CEP295NL: variants seen among roughly 807,000 people sequenced by gnomAD.
The protein encoded by CEP295NL is CEP295 N-terminal like.
A neutral mutation model predicts 4.6 loss-of-function variants in CEP295NL; 3 were observed. That is an observed-to-expected ratio of 0.65 (90% CI 0.30 to 1.69). The LOEUF is 1.69. Among genes scored for constraint, CEP295NL ranks in the 40% most tolerant of loss-of-function variants. CEP295NL has a pLI of 0.10. For synonymous variants in CEP295NL, 295 were observed against 312.2 expected (o/e 0.94, Z 0.58); for missense variants, 719 against 769.0 (o/e 0.93, Z 0.77).
chr17:78,897,103 G>A (rs1195454811), intron 2 of CEP295NL: 10 of 564,094 alleles, frequency 1.8e-5, no homozygotes, highest in Non-Finnish European at 2.2e-5. Context: ...GCACCCCCCC[G>A]CCCCCCGCCG....
intron 2 of CEP295NL, chr17:78,898,292 G>T (rs1035753054): frequency 4.6e-5 from 7 of 152,394 alleles, no homozygotes; most frequent in African/African-American, 1.7e-4. Context: ...ACTTGCCTAA[G>T]GCCACATAGC....
In CEP295NL at chr17:78,892,469, A is replaced by G. The variant is rs1265939080; in HGVS notation, c.45-10T>C. ...ACGTTCCACAGCAAACCTACGAGGA[A>G]GGGAGCACAAGTGCAGCTTTCCAGA... On this transcript the variant is annotated splice_polypyrimidine_tract_variant and intron_variant, in intron 2 of 2. Coordinates refer to ENST00000322630, the MANE Select transcript of CEP295NL (RefSeq NM_001243540.2). 2 of 1,540,356 alleles carry G rather than the reference A, an allele frequency of 1.3e-6. No individual in the cohort carries two copies. Among genetic ancestry groups the G allele is most frequent in the African/African-American group, 1.4e-5 (1 of 72,670 alleles).
rs1439620789 is a variant in CEP295NL, at chr17:78,892,087, G to A, written c.417C>T (p.Gly139=). 6.4e-7 allele frequency: 1 copy of A among 1,551,880 alleles called. No homozygotes were observed. Among genetic ancestry groups the A allele is most frequent in the East Asian group, 2.4e-5 (1 of 40,984 alleles). Residue 139 remains glycine (G), a synonymous_variant, in exon 3 of 3, where the codon GGC becomes GGT. Coordinates refer to ENST00000322630, the MANE Select transcript of CEP295NL (RefSeq NM_001243540.2). ...TTTCCCTGGCCCGTCCTCCTCCCCA[G>A]CCCAACAGACGTGCTGACTGCAGCC... ...LDRLQSARLL[G]WGGGRARENE...
rs1252180209 is a variant in CEP295NL, at chr17:78,891,686, G to T, written c.818C>A (p.Thr273Lys). ...IGLVEEKEKGTARAGRRQLGK... is the reference protein window; with the variant it reads ...IGLVEEKEKGKARAGRRQLGK... ...CAGTTGCCTCCTCCCCGCCCGAGCT[G>T]TTCCTTTCTCTTTTTCCTCCACAAG... The change falls in exon 3 of 3, where the codon ACA becomes AAA. Residue 273 changes from threonine to lysine, a missense_variant. Thr to Lys is a moderately conservative substitution (Grantham distance 78). Transcript: ENST00000322630. This position sits in a 1 kb window ranked among gnomAD's most constrained non-coding sequence, Gnocchi z 4.5. The T allele has an allele frequency of 6.4e-7, 1 of 1,551,106 alleles. No homozygotes were observed. Among genetic ancestry groups the T allele is most frequent in the Non-Finnish European group, 8.7e-7 (1 of 1,147,114 alleles).
Position 78,892,352 on chromosome 17 carries a change from C to G in CEP295NL, c.152G>C (p.Gly51Ala). The G allele has an allele frequency of 6.4e-7, 1 of 1,550,636 alleles. No homozygotes were observed. Among genetic ancestry groups the G allele is most frequent in the Non-Finnish European group, 8.7e-7 (1 of 1,147,004 alleles). ...KHLPWEAVSAGFADRNRNMDG... is the reference protein window; with the variant it reads ...KHLPWEAVSAAFADRNRNMDG... ...CATGTTTCTGTTCCTGTCTGCGAAC[C>G]CAGCAGATACAGCTTCCCAGGGAAG... The change falls in exon 3 of 3, where the codon GGG becomes GCG. Residue 51 changes from glycine to alanine, a missense_variant. Physicochemically the swap from Gly to Ala is moderately conservative, Grantham distance 60. Coordinates refer to ENST00000322630, the MANE Select transcript of CEP295NL (RefSeq NM_001243540.2).
intron 2 of CEP295NL, among the ~76,000 whole-genome samples, chr17:78,893,176 TGTGTGTGCAGGG>T (rs1480273781): frequency 8.2e-5 from 11 of 134,432 alleles, no homozygotes; most frequent in African/African-American, 1.5e-4. Context: ...TGTGCATACA[TGTGTGTGCAGGG>T]GTGTGTGCAA....
intron 2 of CEP295NL, among the ~76,000 whole-genome samples, chr17:78,894,979 T>C (rs548798210): frequency 7.2e-4 from 110 of 152,198 alleles, no homozygotes; most frequent in Non-Finnish European, 1.2e-3. Context: ...AATAATCCCA[T>C]TTGAAAATCA....
intron 2 of CEP295NL, among the ~76,000 whole-genome samples, chr17:78,893,234 CATGT>C (rs1345136114): frequency 2.1e-5 from 2 of 96,794 alleles, no homozygotes; most frequent in African/African-American, 4.2e-5. Context: ...GGTGTGTGTG[CATGT>C]GTGTGTAGGA....
In CEP295NL at chr17:78,892,380, G is replaced by T; in HGVS notation, c.124C>A (p.His42Asn). Residue 42 changes from histidine (H) to asparagine (N), a missense_variant, in exon 3 of 3, where the codon CAC (histidine) becomes AAC (asparagine). Physicochemically the swap from His to Asn is moderately conservative, Grantham distance 68. Transcript: ENST00000322630. ...PLEPSTLGSK[H>N]LPWEAVSAGF... is the part of the protein sequence containing the mutation. The stretch of plus-strand genomic sequence containing the variant: ...GCAGATACAGCTTCCCAGGGAAGGT[G>T]CTTGGAGCCAAGAGTGGAGGGTTCA... 6.4e-7 allele frequency: 1 copy of T among 1,550,642 alleles called. No individual in the cohort carries two copies. Among genetic ancestry groups the T allele is most frequent in the South Asian group, 1.2e-5 (1 of 84,068 alleles).
intron 2 of CEP295NL, 172 bp from the exon 3 acceptor site, chr17:78,892,631 G>A (rs2069919247): frequency 8.1e-6 from 8 of 985,040 alleles, no homozygotes; most frequent in Non-Finnish European, 1.2e-5. Flanking sequence ...CCCAATTTCT[G>A]TCCTGTACAC....
rs917329512 is a variant in CEP295NL at position 78,891,090 on chromosome 17, G to A, written c.1414C>T (p.Gln472Ter). The change falls in exon 3 of 3, where the codon CAA (glutamine) becomes TAA (stop). Residue 472 changes from glutamine to a stop codon, truncating the protein, a stop_gained. Coordinates refer to ENST00000322630, the MANE Select transcript of CEP295NL (RefSeq NM_001243540.2). LOFTEE classifies it low-confidence loss of function (END_TRUNC). The surrounding 1 kb of genome is among the most constrained non-coding windows in gnomAD (Gnocchi z 4.5). The stretch of plus-strand genomic sequence containing the variant: ...AGCGTGCCCAGTTTGGGGGTCTCTT[G>A]TCCAGATTCAGTGCTATACAATAAT... ...DSLLYSTESG[Q>*]ETPKLGTLAE... The A allele has an allele frequency of 6.4e-7, 1 of 1,550,906 alleles. No individual in the cohort carries two copies. The highest frequency in any genetic ancestry group is 1.2e-5 in the South Asian group (1 of 84,070).
In CEP295NL at chr17:78,892,421, C is replaced by A; in HGVS notation, c.83G>T (p.Gly28Val). Residue 28 changes from glycine (G) to valine (V), a missense_variant, in exon 3 of 3, where the codon GGC (glycine) becomes GTC (valine). Transcript: ENST00000322630. ...GGAGGGTTCAAGGGGCGCCCCCGGG[C>A]CTGAGGAGCCACAGAAGCCACAACG... ...VERCGFCGSS[G>V]PGAPLEPSTL... 6.5e-7 allele frequency: 1 copy of A among 1,550,200 alleles called. No homozygotes were observed. The highest frequency in any genetic ancestry group is 2.4e-5 in the East Asian group (1 of 40,894).
chr17:78,893,484 T>TGCAGGGGTGTGTGCGC (rs892891380), intron 2 of CEP295NL, among the ~76,000 whole-genome samples: 3 of 150,942 alleles, frequency 2.0e-5, no homozygotes, highest in Non-Finnish European at 4.4e-5. Flanking sequence ...GCGGTGTGTG[T>TGCAGGGGTGTGTGCGC]GCAGGGGTGT....
chr17:78,897,091 C>T lies in CEP295NL; in HGVS notation c.45-4632G>A, dbSNP rs887855874. On this transcript the variant is annotated intron_variant, in intron 2 of 2. Transcript: ENST00000322630. Reference sequence around the variant, plus strand: ...GCGTGGAAGTGCCAGGGCCCACAGACAGCACCCCCCCGCCCCCCGCCGGCC... The same window carrying T: ...GCGTGGAAGTGCCAGGGCCCACAGATAGCACCCCCCCGCCCCCCGCCGGCC... The T allele has an allele frequency of 1.7e-5, 12 of 700,644 alleles. No homozygotes were observed. In the African/African-American group the frequency reaches 3.1e-4, roughly 18 times the overall value. 43.4% of individuals were successfully genotyped at this position (700,644 alleles called of 1,614,324 possible).
chr17:78,892,536 CGGGATTCTCACTGTGA>C (rs1398454701), intron 2 of CEP295NL, 77 bp from the exon 3 acceptor site: 3 of 1,471,034 alleles, frequency 2.0e-6, no homozygotes, highest in Non-Finnish European at 1.8e-6. Context: ...GACAAGCACA[CGGGATTCTCACTGTGA>C]GGACAGGCTG....
At chr17:78,893,869 C>T (rs1240370412) in intron 2 of CEP295NL, among the ~76,000 whole-genome samples, 1 of 152,132 alleles carries the variant, frequency 6.6e-6, no homozygotes, top group East Asian at 1.9e-4. Context: ...TACACCAAAA[C>T]AGTACGGGAT....
rs556691060 is a variant in CEP295NL at position 78,896,032 on chromosome 17, C to T, written c.45-3573G>A. Among the ~76,000 whole-genome samples, 6 of 152,340 alleles carry T rather than the reference C, an allele frequency of 3.9e-5. 1 individual carries two copies. Among genetic ancestry groups the T allele is most frequent in the African/African-American group, 1.2e-4 (5 of 41,584 alleles). ...GTCAGTTTTCCTGGAGACACGCAAA[C>T]GGGTAAAAACTTAACACATTTGGGC... On this transcript the variant is annotated intron_variant, in intron 2 of 2. Coordinates refer to ENST00000322630, the MANE Select transcript of CEP295NL (RefSeq NM_001243540.2). The surrounding 1 kb of genome is among the most constrained non-coding windows in gnomAD (Gnocchi z 4.4).
rs1382092278 is a variant in CEP295NL, at chr17:78,891,636, G to C, written c.868C>G (p.Pro290Ala). The change falls in exon 3 of 3, where the codon CCA (proline) becomes GCA (alanine). Residue 290 changes from proline (P) to alanine (A), a missense_variant. By Grantham distance (27) the Pro-to-Ala change is conservative. Transcript: ENST00000322630. This position sits in a 1 kb window ranked among gnomAD's most constrained non-coding sequence, Gnocchi z 4.5. Reference protein sequence around the residue: ...QLGKGAVCFVPALTSRSQGQS... With the variant: ...QLGKGAVCFVAALTSRSQGQS... ...CCCTGAGAGCGACTGGTCAGGGCTG[G>C]AACAAAGCAAACTGCCCCCTTTCCC... 12 of 1,550,802 alleles carry C rather than the reference G, an allele frequency of 7.7e-6. No homozygotes were observed. Among genetic ancestry groups the C allele is most frequent in the Non-Finnish European group, 9.6e-6 (11 of 1,147,106 alleles).
intron 1 of CEP295NL, among the ~76,000 whole-genome samples, chr17:78,902,922 C>T (rs1274312366): frequency 6.6e-6 from 1 of 152,238 alleles, no homozygotes; most frequent in African/African-American, 2.4e-5. Flanking sequence ...CACTCTCCTT[C>T]CCATCACACT....
Sources: allele counts gnomAD v4.1 joint callset (sites outside exome capture counted in the v4.1 genomes callset), GRCh38; gene constraint gnomAD v4.1.1; non-coding constraint Gnocchi (gnomAD v3.1); transcripts MANE v1.5; gene names NCBI Gene and HGNC (gene_info 2026-07-23, HGNC 2026-07-21).